CALCR: variants seen among roughly 807,000 people sequenced by gnomAD.
CALCR encodes the protein calcitonin receptor.
A neutral mutation model predicts 59.5 loss-of-function variants in CALCR; 47 were observed. That is an observed-to-expected ratio of 0.79 (90% CI 0.63 to 1.01). CALCR has a LOEUF of 1.01. Among genes scored for constraint, CALCR ranks in the 50% least tolerant of loss-of-function variants. The pLI is 0.00. For synonymous variants in CALCR, 213 were observed against 211.3 expected (o/e 1.01, Z -0.07); for missense variants, 566 against 597.1 (o/e 0.95, Z 0.54).
intron 2 of CALCR, among the ~76,000 whole-genome samples, chr7:93,489,952 A>G (rs1801037277): frequency 6.6e-6 from 1 of 151,926 alleles, no homozygotes; most frequent in Admixed American, 6.6e-5. Flanking sequence ...CAGAGACACA[A>G]CAAAAGAAGA....
At chr7:93,562,032 A>G (rs542141750) in intron 2 of CALCR, among the ~76,000 whole-genome samples, 2 of 152,114 alleles carry the variant, frequency 1.3e-5, no homozygotes, top group Non-Finnish European at 2.9e-5. Context: ...AAGTCTCATA[A>G]TAATATGATT....
intron 8 of CALCR, among the ~76,000 whole-genome samples, chr7:93,458,872 T>A (rs1051126643): frequency 6.6e-6 from 1 of 152,196 alleles, no homozygotes; most frequent in Non-Finnish European, 1.5e-5. Context: ...ACAAAAATTA[T>A]CAAATATTCC....
intron 2 of CALCR, among the ~76,000 whole-genome samples, chr7:93,494,057 G>A (rs1348105954): frequency 6.6e-6 from 1 of 151,326 alleles, no homozygotes; most frequent in Non-Finnish European, 1.5e-5. Flanking sequence ...GAGAGAAGAA[G>A]GATATGTAGA....
chr7:93,548,814 A>C (rs1789365575), intron 2 of CALCR, among the ~76,000 whole-genome samples: 1 of 150,370 alleles, frequency 6.7e-6, no homozygotes, highest in African/African-American at 2.4e-5. Context: ...AGTTGATAAT[A>C]ATTGCAATAA....
chr7:93,568,117 G>A (rs1054479062), intron 2 of CALCR, among the ~76,000 whole-genome samples: 1 of 151,934 alleles, frequency 6.6e-6, no homozygotes, highest in African/African-American at 2.4e-5. Context: ...ACATGCAAAC[G>A]CACACAGCTC....
chr7:93,559,549 A>C (rs1313411138), intron 2 of CALCR: 1 of 152,098 alleles, frequency 6.6e-6, no homozygotes, highest in Non-Finnish European at 1.5e-5. Context: ...CCAATGATGA[A>C]AGCTGTGTCT....
intron 8 of CALCR, among the ~76,000 whole-genome samples, chr7:93,445,392 A>T (rs149022959): frequency 6.6e-6 from 1 of 152,228 alleles, no homozygotes; most frequent in African/African-American, 2.4e-5. Flanking sequence ...GGATCCAGAA[A>T]TTAAGCATAT....
intron 9 of CALCR, among the ~76,000 whole-genome samples, chr7:93,441,769 G>A (rs575825735): frequency 1.5e-4 from 23 of 152,202 alleles, no homozygotes; most frequent in Non-Finnish European, 2.8e-4. Flanking sequence ...GAATATCCTA[G>A]ACAGCCTGTA....
chr7:93,468,843 G>T, intron 6 of CALCR, 37 bp from the exon 7 acceptor site: 1 of 511,074 alleles, frequency 2.0e-6, no homozygotes, highest in Non-Finnish European at 3.1e-6. Flanking sequence ...AACAATGAAT[G>T]AATGATTCAT....
chr7:93,510,788 G>C (rs1211020908), intron 2 of CALCR, among the ~76,000 whole-genome samples: 1 of 152,100 alleles, frequency 6.6e-6, no homozygotes, highest in Non-Finnish European at 1.5e-5. Flanking sequence ...CTTGAGCCCA[G>C]GAGTTCAAAG....
At chr7:93,477,441 T>C (rs891334054) in intron 5 of CALCR, 117 bp downstream of exon 5, 1 of 608,594 alleles carries the variant, frequency 1.6e-6, no homozygotes, top group Admixed American at 2.8e-5. Context: ...ACTTCAGAAG[T>C]TGCTAAAATG....
At chr7:93,440,588 T>C (rs1799880750) in intron 9 of CALCR, among the ~76,000 whole-genome samples, 1 of 151,916 alleles carries the variant, frequency 6.6e-6, no homozygotes, top group South Asian at 2.1e-4. Context: ...GTCTTAGCTT[T>C]GGCATGCTAA....
intron 8 of CALCR, among the ~76,000 whole-genome samples, chr7:93,453,644 T>A (rs1476044567): frequency 6.6e-6 from 1 of 151,990 alleles, no homozygotes; most frequent in African/African-American, 2.4e-5. Context: ...CTGCAAATTT[T>A]GAGATGAAGA....
chr7:93,537,536 T>C (rs999308662), intron 2 of CALCR, among the ~76,000 whole-genome samples: 2 of 151,878 alleles, frequency 1.3e-5, no homozygotes, highest in African/African-American at 2.4e-5. Flanking sequence ...TTTATGGTTA[T>C]TATTAGTTTA....
At chr7:93,483,607 G>T (rs1023194704) in intron 3 of CALCR, among the ~76,000 whole-genome samples, 2 of 151,066 alleles carry the variant, frequency 1.3e-5, no homozygotes, top group Non-Finnish European at 3.0e-5. Flanking sequence ...TTAAACTTTT[G>T]CTGATAATTT....
chr7:93,428,454 C>T (rs376399348), intron 13 of CALCR, among the ~76,000 whole-genome samples: 140 of 152,332 alleles, frequency 9.2e-4, no homozygotes, highest in African/African-American at 3.2e-3. Flanking sequence ...CATTGAGAAA[C>T]TGGGAAATAT....
chr7:93,486,882 A>T, intron 3 of CALCR, 49 bp downstream of exon 3: 1 of 1,100,072 alleles, frequency 9.1e-7, no homozygotes, highest in Non-Finnish European at 1.4e-6. Flanking sequence ...ATTCCTCCTT[A>T]TTCAGCATTC....
At chr7:93,451,118 A>T (rs917651891) in intron 8 of CALCR, among the ~76,000 whole-genome samples, 1 of 151,898 alleles carries the variant, frequency 6.6e-6, no homozygotes, top group Non-Finnish European at 1.5e-5. Context: ...TAAAATATTT[A>T]AAAATATAGT....
intron 2 of CALCR, among the ~76,000 whole-genome samples, chr7:93,573,173 T>C (rs1247590275): frequency 6.6e-6 from 1 of 152,224 alleles, no homozygotes; most frequent in Non-Finnish European, 1.5e-5. Context: ...AGGCTAGCAA[T>C]ATCCTATTAG....
Sources: gnomAD v4.1 joint callset for allele counts (sites outside exome capture counted in the v4.1 genomes callset) on GRCh38, gnomAD v4.1.1 for gene constraint, MANE v1.5 for transcripts, NCBI Gene and HGNC (gene_info 2026-07-23, HGNC 2026-07-21) for gene names.